Variants in RBFOX1 observed in about 807,000 individuals in gnomAD.
RBFOX1 encodes the protein RNA binding fox-1 homolog 1, also known as RNA binding protein fox-1 homolog 1.
In RBFOX1, 8 loss-of-function variants were observed where a neutral mutation model predicts 57.7. The observed-to-expected ratio is 0.14, with a 90% CI of 0.08 to 0.25. RBFOX1 has a LOEUF of 0.25. Ranked by LOEUF, RBFOX1 falls within the 10% of genes least tolerant of loss-of-function variation. RBFOX1 has a pLI of 1.00. For synonymous variants in RBFOX1, 326 were observed against 222.4 expected (o/e 1.47, Z -4.15); for missense variants, 611 against 548.5 (o/e 1.11, Z -1.14).
intron 13 of RBFOX1, among the ~76,000 whole-genome samples, chr16:7,676,186 A>C (rs2073217405): frequency 6.6e-6 from 1 of 152,232 alleles, no homozygotes; most frequent in Admixed American, 6.5e-5. Context: ...TTGGCCAAAA[A>C]GAAATGTTCA....
chr16:6,658,075 G>T (rs1428034599), intron 3 of RBFOX1, among the ~76,000 whole-genome samples: 2 of 151,988 alleles, frequency 1.3e-5, no homozygotes, highest in African/African-American at 2.4e-5. Flanking sequence ...CAAAACCTTA[G>T]GTTTTCCATG....
intron 4 of RBFOX1, among the ~76,000 whole-genome samples, chr16:7,495,795 C>T (rs368742559): frequency 1.3e-5 from 2 of 152,186 alleles, no homozygotes; most frequent in Admixed American, 6.5e-5. Context: ...TCTCAGAAAT[C>T]CGCACTAGAG....
At chr16:5,921,270 C>G (rs1597799466) in intron 4 of RBFOX1, among the ~76,000 whole-genome samples, 1 of 152,166 alleles carries the variant, frequency 6.6e-6, no homozygotes, top group South Asian at 2.1e-4. Flanking sequence ...GGATCTTTCC[C>G]TCTTTCGCCT....
chr16:6,713,625 T>C (rs1383155874), intron 3 of RBFOX1, among the ~76,000 whole-genome samples: 2 of 152,162 alleles, frequency 1.3e-5, no homozygotes, highest in East Asian at 3.9e-4. Flanking sequence ...CCTTTCTCCA[T>C]TGGGAACAAC....
At chr16:7,111,223 T>C (rs1283345903) in intron 4 of RBFOX1, among the ~76,000 whole-genome samples, 1 of 152,198 alleles carries the variant, frequency 6.6e-6, no homozygotes, top group Non-Finnish European at 1.5e-5. Context: ...GATGGGCCTT[T>C]GTCAAACTGA....
intron 3 of RBFOX1, among the ~76,000 whole-genome samples, chr16:6,892,141 T>G (rs1478963665): frequency 1.3e-5 from 2 of 152,134 alleles, no homozygotes; most frequent in Non-Finnish European, 2.9e-5. Context: ...CCCTGGTTGG[T>G]GATTGCAGAC....
chr16:6,658,143 G>A (rs1308971119), intron 3 of RBFOX1, among the ~76,000 whole-genome samples: 9 of 152,022 alleles, frequency 5.9e-5, no homozygotes, highest in Non-Finnish European at 2.9e-5. Flanking sequence ...CTTTCAATGG[G>A]GCCGATTATC....
intron 4 of RBFOX1, among the ~76,000 whole-genome samples, chr16:7,314,987 C>T (rs2096403889): frequency 6.6e-6 from 1 of 152,092 alleles, no homozygotes; most frequent in African/African-American, 2.4e-5. Context: ...TAATTTTAAC[C>T]TCCGCTTTTA....
At chr16:6,309,628 TAAAC>T (rs1232778817) in intron 1 of RBFOX1, among the ~76,000 whole-genome samples, 2 of 151,564 alleles carry the variant, frequency 1.3e-5, no homozygotes, top group African/African-American at 4.8e-5. Context: ...GACAGGAAAT[TAAAC>T]ACACCAACAA....
chr16:6,423,324 C>T (rs979872883), intron 2 of RBFOX1, among the ~76,000 whole-genome samples: 4 of 152,202 alleles, frequency 2.6e-5, no homozygotes, highest in Non-Finnish European at 4.4e-5. Flanking sequence ...CCTGACCAGG[C>T]GTGGTGGCTC....
chr16:6,738,509 A>C (rs988447846), intron 3 of RBFOX1, among the ~76,000 whole-genome samples: 3 of 152,168 alleles, frequency 2.0e-5, no homozygotes, highest in Admixed American at 2.0e-4. Flanking sequence ...GTAGAACATA[A>C]AAAAACAGAT....
intron 1 of RBFOX1, among the ~76,000 whole-genome samples, chr16:6,274,466 A>G (rs1037921211): frequency 1.3e-5 from 2 of 152,186 alleles, no homozygotes; most frequent in Non-Finnish European, 2.9e-5. Flanking sequence ...ATTTATGTAA[A>G]ATTCTTGAGA....
chr16:7,708,380 G>C (rs1456149509), intron 14 of RBFOX1, among the ~76,000 whole-genome samples: 1 of 152,164 alleles, frequency 6.6e-6, no homozygotes, highest in Non-Finnish European at 1.5e-5. Flanking sequence ...AAAACACAAA[G>C]ATGAGTAAAT....
chr16:7,099,302 A>T lies in RBFOX1; in HGVS notation c.27+47204A>T, dbSNP rs1267951582. Among the ~76,000 whole-genome samples the T allele has an allele frequency of 4.6e-5, 7 of 152,196 alleles. No individual in the cohort carries two copies. In the East Asian group the frequency reaches 1.4e-3, roughly 30 times the overall value. On this transcript the variant is annotated intron_variant, in intron 4 of 15. Transcript: ENST00000550418. ...TGGGAAATGGCTCAAAAACCAAGGA[A>T]TTTCGTAATTCCTGGCTGGTGTAAA...
intron 14 of RBFOX1, among the ~76,000 whole-genome samples, chr16:7,683,692 A>C (rs898149931): frequency 6.6e-5 from 10 of 152,248 alleles, no homozygotes; most frequent in African/African-American, 2.4e-4. Flanking sequence ...GCCACAAAAA[A>C]GGAAATAAAG....
At chr16:6,935,569 C>G (rs72772286) in intron 3 of RBFOX1, among the ~76,000 whole-genome samples, 17,028 of 152,214 alleles carry the variant, frequency 0.11, 1,178 homozygotes, top group East Asian at 0.16. Context: ...ATCTGTTATC[C>G]TTGAATATTC....
intron 13 of RBFOX1, among the ~76,000 whole-genome samples, chr16:7,670,904 C>A (rs1464262780): frequency 6.6e-6 from 1 of 152,162 alleles, no homozygotes; most frequent in African/African-American, 2.4e-5. Flanking sequence ...CAGAGACCTT[C>A]CTTGCCAGTG....
intron 3 of RBFOX1, among the ~76,000 whole-genome samples, chr16:6,795,558 A>T (rs576462923): frequency 6.6e-6 from 1 of 152,134 alleles, no homozygotes; most frequent in Admixed American, 6.5e-5. Context: ...ACGAGGTCAC[A>T]AGTTCAAGAC....
chr16:5,768,428 C>T (rs77284299), intron 3 of RBFOX1, among the ~76,000 whole-genome samples: 1,912 of 152,230 alleles, frequency 0.013, 37 homozygotes, highest in African/African-American at 0.043. Flanking sequence ...GTTTAGACCC[C>T]CTTAAAATAC....
Sources: gnomAD v4.1 joint callset for allele counts (sites outside exome capture counted in the v4.1 genomes callset) on GRCh38, gnomAD v4.1.1 for gene constraint, MANE v1.5 for transcripts, NCBI Gene and HGNC (gene_info 2026-07-23, HGNC 2026-07-21) for gene names.